The following GK variants were observed in gnomAD, a reference collection of about 807,000 sequenced individuals.
GK encodes glycerol kinase.
GK carries 9 observed loss-of-function variants against 56.4 expected under a neutral mutation model. The ratio of observed to expected loss-of-function variants is 0.16; its 90% CI spans 0.10 to 0.28. The LOEUF is 0.28. Among genes scored for constraint, GK ranks in the 10% least tolerant of loss-of-function variants. GK has a pLI of 1.00. For synonymous variants in GK, 104 were observed against 144.1 expected (o/e 0.72, Z 1.99); for missense variants, 161 against 431.4 (o/e 0.37, Z 5.55).
At chrX:30,668,158 C>G (rs1933208917) in intron 3 of GK, 40 bp downstream of exon 3, 2 of 711,244 alleles carry the variant, frequency 2.8e-6, no homozygotes, top group Admixed American at 2.2e-5. Context: ...ATAAGACTCT[C>G]TCAATCAAAT....
intron 11 of GK, among the ~76,000 whole-genome samples, chrX:30,701,282 G>A (rs1369910452): frequency 9.0e-6 from 1 of 111,418 alleles, no homozygotes; most frequent in African/African-American, 3.3e-5. Flanking sequence ...GTTGGTGCAT[G>A]CCTGTAATCC....
intron 20 of GK, 107 bp downstream of exon 20, chrX:30,727,659 G>A: frequency 1.8e-6 from 1 of 544,254 alleles, no homozygotes; most frequent in East Asian, 3.7e-5. Context: ...TGTCTAGGAA[G>A]CTGGAAAATC....
intron 4 of GK, among the ~76,000 whole-genome samples, chrX:30,679,121 C>T (rs1934124269): frequency 9.0e-6 from 1 of 110,641 alleles, no homozygotes; most frequent in African/African-American, 3.3e-5. Context: ...TCAATGTTAG[C>T]TAACTTCCTG....
rs937393024 is a variant in GK, at chrX:30,707,701, T to G, written c.894+103T>G. 2.6e-5 allele frequency: 13 copies of G among 509,635 alleles called. No homozygotes were observed. The Admixed American group carries it at 3.9e-4, about 15-fold the overall frequency. 42.0% of individuals were successfully genotyped at this position (509,635 alleles called of 1,213,427 possible). A position where few individuals can be genotyped will look rare whatever the true frequency, so the allele number is the denominator to read the frequency against. On this transcript the variant is annotated intron_variant, in intron 12 of 20. Coordinates refer to ENST00000427190, the MANE Select transcript of GK (RefSeq NM_001205019.2). The stretch of plus-strand genomic sequence containing the variant: ...ACAACTTTTAGTCTTTAGCTTTTAC[T>G]TAATCTTTATCAGGGTTTAATTTAG...
intron 4 of GK, among the ~76,000 whole-genome samples, chrX:30,678,355 G>A (rs181451554): frequency 9.0e-6 from 1 of 111,443 alleles, no homozygotes; most frequent in East Asian, 2.8e-4. Flanking sequence ...GTTGAACACC[G>A]AATGATACTA....
chrX:30,662,402 T>G (rs1428258957), intron 1 of GK, among the ~76,000 whole-genome samples: 1 of 112,216 alleles, frequency 8.9e-6, no homozygotes, highest in African/African-American at 3.2e-5. Flanking sequence ...AGAGCTTTGA[T>G]GAAGTAGGGA....
At position 30,703,644 on chromosome X, in the gene GK, T is replaced by C. The variant is rs375196806; in HGVS notation, c.851+2739T>C. 3.6e-5 allele frequency among the ~76,000 whole-genome samples: 4 copies of C among 111,530 alleles called. No individual in the cohort carries two copies. The East Asian group carries it at 8.4e-4, about 24-fold the overall frequency. On this transcript the variant is annotated intron_variant, in intron 11 of 20. Transcript: ENST00000427190. ...GCTGTATGTTGCACACATTTGGAAA[T>C]GTGGAATAAGTTCAGTATAAAAATA...
intron 13 of GK, among the ~76,000 whole-genome samples, chrX:30,716,342 C>A (rs757501929): frequency 7.2e-5 from 8 of 111,652 alleles, no homozygotes; most frequent in African/African-American, 2.6e-4. Context: ...AATTATACTG[C>A]CCATGGCAGC....
At chrX:30,722,032 G>A (rs753551988) in intron 18 of GK, 5 of 111,157 alleles carry the variant, frequency 4.5e-5, no homozygotes, top group South Asian at 3.8e-4. Context: ...CCAGGAGTTC[G>A]AGTCCAGCCT....
In GK at chrX:30,721,176, T is replaced by C. The variant is rs36091714; in HGVS notation, c.1501+181T>C. Reference sequence around the variant, plus strand: ...GAATAAATGTGAATGAGAGAAATCGTTGCTTATCAAAAGAACTTCTAAAAT... The same window carrying C: ...GAATAAATGTGAATGAGAGAAATCGCTGCTTATCAAAAGAACTTCTAAAAT... On this transcript the variant is annotated intron_variant, in intron 18 of 20. Transcript: ENST00000427190. 0.32 allele frequency: 157,792 copies of C among 489,347 alleles called. 17,194 individuals carry two copies. Among genetic ancestry groups the C allele is most frequent in the East Asian group, 0.44 (11,895 of 27,135 alleles). 40.3% of individuals were successfully genotyped at this position (489,347 alleles called of 1,213,427 possible). A position where few individuals can be genotyped will look rare whatever the true frequency, so the allele number is the denominator to read the frequency against.
At chrX:30,669,551 G>A (rs1299490744) in intron 3 of GK, among the ~76,000 whole-genome samples, 3 of 111,768 alleles carry the variant, frequency 2.7e-5, no homozygotes, top group Admixed American at 9.5e-5. Flanking sequence ...AAAAAATCCA[G>A]CCACCCAAGA....
At chrX:30,713,822 C>T (rs1242332376) in intron 13 of GK, among the ~76,000 whole-genome samples, 5 of 111,885 alleles carry the variant, frequency 4.5e-5, no homozygotes, top group Non-Finnish European at 7.5e-5. Context: ...TTTCACAAAA[C>T]AAAAATCCTT....
intron 11 of GK, among the ~76,000 whole-genome samples, chrX:30,707,341 A>AG (rs1215790323): frequency 1.8e-5 from 2 of 110,719 alleles, no homozygotes; most frequent in African/African-American, 6.6e-5. Context: ...AAAAAAAAAA[A>AG]AAAAGATTGC....
chrX:30,721,138 A>G, intron 18 of GK, 143 bp downstream of exon 18: 3 of 580,091 alleles, frequency 5.2e-6, no homozygotes, highest in Non-Finnish European at 8.8e-6. Context: ...TGCCAAGCAT[A>G]TTGGGCTTTA....
intron 4 of GK, chrX:30,689,743 C>T: frequency 3.9e-6 from 1 of 254,131 alleles, no homozygotes. Flanking sequence ...AAGATCAAAT[C>T]TCAGGTACAC....
intron 8 of GK, 53 bp from the exon 9 acceptor site, chrX:30,697,679 T>C: frequency 1.1e-6 from 1 of 894,405 alleles, no homozygotes; most frequent in Non-Finnish European, 1.6e-6. Flanking sequence ...AGTTTTCTCT[T>C]GTATTTAAAA....
intron 13 of GK, among the ~76,000 whole-genome samples, chrX:30,708,688 ATAG>A (rs1196314484): frequency 8.9e-6 from 1 of 112,158 alleles, no homozygotes; most frequent in African/African-American, 3.2e-5. Flanking sequence ...GCCTAAGCCT[ATAG>A]GATATGGTAA....
Position 30,711,138 on chromosome X carries a change from T to TC in GK, c.975+3004_975+3005insC, listed in dbSNP as rs57733305. ...CTTTTTTTCTTCTTCTTTTTTTTTT[T>TC]GCTGAGGGGCATCCTTCTATAGTTC... On this transcript the variant is annotated intron_variant, in intron 13 of 20. Coordinates refer to ENST00000427190, the MANE Select transcript of GK (RefSeq NM_001205019.2). Among the ~76,000 whole-genome samples the TC allele has an allele frequency of 4.8e-3, 526 of 109,922 alleles. 1 individual carries two copies. Among genetic ancestry groups the TC allele is most frequent in the Middle Eastern group, 9.4e-3 (2 of 212 alleles).
chrX:30,713,361 G>A (rs927616838), intron 13 of GK, among the ~76,000 whole-genome samples: 3 of 111,794 alleles, frequency 2.7e-5, no homozygotes, highest in Non-Finnish European at 3.8e-5. Flanking sequence ...ATGTGTTTCC[G>A]TGTCTGTCCA....
Sources: allele counts gnomAD v4.1 joint callset (sites outside exome capture counted in the v4.1 genomes callset), GRCh38; gene constraint gnomAD v4.1.1; transcripts MANE v1.5; gene names NCBI Gene and HGNC (gene_info 2026-07-23, HGNC 2026-07-21).